The following CELF2 variants were observed in gnomAD, a reference collection of about 807,000 sequenced individuals.
The protein encoded by CELF2 is CUG triplet repeat RNA-binding protein 2.
In CELF2, 8 loss-of-function variants were observed where a neutral mutation model predicts 62.6. The ratio of observed to expected loss-of-function variants is 0.13; its 90% CI spans 0.07 to 0.23. The LOEUF is 0.23. Among genes scored for constraint, CELF2 ranks in the 10% least tolerant of loss-of-function variants. CELF2 has a pLI of 1.00. For synonymous variants in CELF2, 258 were observed against 250.0 expected (o/e 1.03, Z -0.30); for missense variants, 333 against 671.0 (o/e 0.50, Z 5.56).
upstream of CELF2, among the ~76,000 whole-genome samples, chr10:10,797,112 A>G (rs543884816): frequency 2.7e-4 from 41 of 152,332 alleles, no homozygotes; most frequent in African/African-American, 9.9e-4. Flanking sequence ...TGGAGTGGCA[A>G]AAACTTCCTG....
At chr10:11,030,077 T>A (rs572693437) in intron 1 of CELF2, among the ~76,000 whole-genome samples, 1 of 152,332 alleles carries the variant, frequency 6.6e-6, no homozygotes, top group Non-Finnish European at 1.5e-5. Context: ...TTTTCCAGTG[T>A]CAACCAAACT....
chr10:10,883,084 G>A lies in CELF2; in HGVS notation c.54-36880G>A, dbSNP rs115152632. On this transcript the variant is annotated intron_variant, in intron 1 of 13. Transcript: ENST00000636488. ...CTAATAGTTTACTTTCATTGTTATTGTATTTTAACAGGCCATTACACAATA... is the reference window on the plus strand; with the variant it reads ...CTAATAGTTTACTTTCATTGTTATTATATTTTAACAGGCCATTACACAATA... Among the ~76,000 whole-genome samples the A allele has an allele frequency of 4.2e-3, 632 of 152,138 alleles. 8 individuals are homozygous for A. The highest frequency in any genetic ancestry group is 0.015 in the African/African-American group (607 of 41,504).
At position 11,157,908 on chromosome 10, in the gene CELF2, A is replaced by G. The variant is rs148981011; in HGVS notation, c.75-7578A>G. 4.2e-3 allele frequency among the ~76,000 whole-genome samples: 647 copies of G among 152,274 alleles called. 3 individuals carry two copies. The highest frequency in any genetic ancestry group is 0.015 in the African/African-American group (616 of 41,560). ...TGCCTTGAGAAGCACAGTCACCACAACCTAGTCTGCAGGGAATCAGATGTC... is the reference window on the plus strand; with the variant it reads ...TGCCTTGAGAAGCACAGTCACCACAGCCTAGTCTGCAGGGAATCAGATGTC... On this transcript the variant is annotated intron_variant, in intron 1 of 12. Transcript: ENST00000633077. This position sits in a 1 kb window ranked among gnomAD's most constrained non-coding sequence, Gnocchi z 4.9.
intron 12 of CELF2, among the ~76,000 whole-genome samples, chr10:11,327,723 C>T (rs2095828878): frequency 6.6e-6 from 1 of 152,206 alleles, no homozygotes; most frequent in African/African-American, 2.4e-5. Flanking sequence ...AAAATGTAAA[C>T]AGCCACTTCT....
chr10:10,682,636 CTT>C, the CELF2 span, among the ~76,000 whole-genome samples: 1 of 151,940 alleles, frequency 6.6e-6, no homozygotes, highest in African/African-American at 2.4e-5. Context: ...TCTTGTTTCT[CTT>C]TGCATTTTTT....
At chr10:10,540,392 C>A in the CELF2 span, among the ~76,000 whole-genome samples, 6 of 152,154 alleles carry the variant, frequency 3.9e-5, no homozygotes, top group African/African-American at 1.4e-4. Flanking sequence ...TCTCAGGAAC[C>A]TTTTGCTTTG....
chr10:11,257,438 G>A (rs760802085), intron 4 of CELF2: 3 of 249,060 alleles, frequency 1.2e-5, no homozygotes, highest in Middle Eastern at 6.0e-4. Flanking sequence ...ATTTTAGTCA[G>A]CGCATTACTG....
chr10:11,077,817 T>C (rs910677921), intron 1 of CELF2, among the ~76,000 whole-genome samples: 1 of 152,164 alleles, frequency 6.6e-6, no homozygotes, highest in African/African-American at 2.4e-5. Flanking sequence ...TTATGGACTC[T>C]AGTCCCACAG....
At chr10:11,226,080 C>T (rs1024943535) in intron 3 of CELF2, among the ~76,000 whole-genome samples, 6 of 152,262 alleles carry the variant, frequency 3.9e-5, no homozygotes, top group East Asian at 3.9e-4. Context: ...GTGGAATGGG[C>T]GTGGCTTAAG....
At chr10:10,721,209 A>G in the CELF2 span, among the ~76,000 whole-genome samples, 1 of 152,234 alleles carries the variant, frequency 6.6e-6, no homozygotes, top group African/African-American at 2.4e-5. Flanking sequence ...ATTTGGGGAG[A>G]GAAGCCAAAT....
At chr10:11,000,952 G>C (rs760675628), upstream of CELF2, among the ~76,000 whole-genome samples, 1 of 152,168 alleles carries the variant, frequency 6.6e-6, no homozygotes, top group Non-Finnish European at 1.5e-5. Context: ...TGCACCCATA[G>C]AGAAAGACCC....
At chr10:10,469,860 A>T in the CELF2 span, among the ~76,000 whole-genome samples, 1 of 151,776 alleles carries the variant, frequency 6.6e-6, no homozygotes, top group African/African-American at 2.4e-5. Flanking sequence ...ATTTTTCCTT[A>T]TACTAGTTTT....
the CELF2 span, among the ~76,000 whole-genome samples, chr10:10,702,629 G>A: frequency 6.6e-6 from 1 of 152,222 alleles, no homozygotes; most frequent in Non-Finnish European, 1.5e-5. Context: ...CTGTCACCCA[G>A]GCTGGAGTAC....
chr10:10,918,807 A>T (rs2064587383), intron 1 of CELF2, among the ~76,000 whole-genome samples: 1 of 152,188 alleles, frequency 6.6e-6, no homozygotes, highest in African/African-American at 2.4e-5. Context: ...AGATTCTTAA[A>T]GGGGTTATAT....
the CELF2 span, among the ~76,000 whole-genome samples, chr10:10,498,656 C>G: frequency 6.6e-6 from 1 of 152,156 alleles, no homozygotes; most frequent in South Asian, 2.1e-4. Flanking sequence ...CTAGCCTCTT[C>G]CCCATCGTGG....
At chr10:10,757,250 G>A in the CELF2 span, among the ~76,000 whole-genome samples, 14 of 152,062 alleles carry the variant, frequency 9.2e-5, 1 homozygote, top group South Asian at 2.9e-3. Context: ...TTGTGGCCAG[G>A]ATTCCAAGAC....
chr10:10,733,281 C>T, the CELF2 span, among the ~76,000 whole-genome samples: 1 of 152,152 alleles, frequency 6.6e-6, no homozygotes, highest in Non-Finnish European at 1.5e-5. Context: ...GGCTCGGACC[C>T]ATAATCACAT....
chr10:10,646,883 G>C, the CELF2 span, among the ~76,000 whole-genome samples: 1 of 152,200 alleles, frequency 6.6e-6, no homozygotes, highest in African/African-American at 2.4e-5. Context: ...GGGTGAAACA[G>C]TTTGCCCCAC....
chr10:11,065,689 A>T (rs1291848), intron 1 of CELF2, among the ~76,000 whole-genome samples: 1 of 145,906 alleles, frequency 6.9e-6, no homozygotes, highest in Non-Finnish European at 1.5e-5. Flanking sequence ...TGAACAAGAC[A>T]GACAAACCCC....
Sources: allele counts gnomAD v4.1 joint callset (sites outside exome capture counted in the v4.1 genomes callset), GRCh38; gene constraint gnomAD v4.1.1; non-coding constraint Gnocchi (gnomAD v3.1); transcripts MANE v1.5; gene names NCBI Gene and HGNC (gene_info 2026-07-23, HGNC 2026-07-21).